Variants in CFAP44 observed in about 807,000 individuals in gnomAD.
CFAP44 encodes the protein cilia- and flagella-associated protein 44.
Under a neutral mutation model 216.2 loss-of-function variants are expected in CFAP44, and 134 were observed. That is an observed-to-expected ratio of 0.62 (90% CI 0.54 to 0.72). The LOEUF is 0.72. Ranked by LOEUF, CFAP44 falls within the 30% of genes least tolerant of loss-of-function variation. CFAP44 has a pLI of 0.00. For synonymous variants in CFAP44, 700 were observed against 727.6 expected (o/e 0.96, Z 0.61); for missense variants, 2,035 against 2,182.1 (o/e 0.93, Z 1.34).
chr3:113,330,538 T>G lies in CFAP44; in HGVS notation c.3746A>C (p.Lys1249Thr), dbSNP rs1182450306. ...AGGAATTTTGGGAATGGGTATGTGC[T>G]TGGATATGTGAAGAGTCGACTGAAT... ...KNIQSTLHIS[K>T]HIPIPKIPQI... Residue 1249 changes from lysine to threonine, a missense_variant, in exon 26 of 35, where the codon AAG becomes ACG. Transcript: ENST00000393845. 6.5e-7 allele frequency: 1 copy of G among 1,537,276 alleles called. No individual in the cohort carries two copies. Among genetic ancestry groups the G allele is most frequent in the Admixed American group, 2.0e-5 (1 of 50,996 alleles).
intron 15 of CFAP44, among the ~76,000 whole-genome samples, chr3:113,389,860 T>TA (rs923063718): frequency 4.6e-5 from 7 of 152,054 alleles, no homozygotes; most frequent in East Asian, 3.9e-4. Flanking sequence ...AAAGCCATAA[T>TA]AAAAAAATTA....
At chr3:113,426,368 A>C in intron 3 of CFAP44, 91 bp from the exon 4 acceptor site, 17 of 1,370,140 alleles carry the variant, frequency 1.2e-5, no homozygotes, top group Non-Finnish European at 1.6e-5. Flanking sequence ...CATAATCTCC[A>C]CATGTCATGG....
At chr3:113,294,620 T>C (rs985848783) in intron 34 of CFAP44, 67 bp downstream of exon 34, 7 of 1,456,948 alleles carry the variant, frequency 4.8e-6, no homozygotes, top group Non-Finnish European at 5.4e-6. Flanking sequence ...CTTAACATTC[T>C]TGTGAATAGC....
At chr3:113,393,702 G>C (rs1032148630) in intron 15 of CFAP44, among the ~76,000 whole-genome samples, 1 of 152,160 alleles carries the variant, frequency 6.6e-6, no homozygotes, top group Non-Finnish European at 1.5e-5. Flanking sequence ...TTTTTGTAGA[G>C]ACAGGGTTTC....
chr3:113,303,925 T>A lies in CFAP44; in HGVS notation c.5068A>T (p.Thr1690Ser). Reference protein sequence around the residue: ...LIREKREMTKTIHKMEETVRQ... With the variant: ...LIREKREMTKSIHKMEETVRQ... ...GGGCTTAGATACTCACTGTGTATGG[T>A]TTTTGTCATTTCTCTCTTTTCTCGG... Residue 1690 changes from threonine to serine, a missense_variant, in exon 32 of 35, where the codon ACC becomes TCC. Transcript: ENST00000393845. 1 of 1,537,662 alleles carries A rather than the reference T, an allele frequency of 6.5e-7. No homozygotes were observed. Among genetic ancestry groups the A allele is most frequent in the Non-Finnish European group, 8.7e-7 (1 of 1,146,986 alleles).
chr3:113,384,409 T>C (rs760168560), intron 15 of CFAP44, among the ~76,000 whole-genome samples: 2 of 152,156 alleles, frequency 1.3e-5, no homozygotes, highest in East Asian at 1.9e-4. Flanking sequence ...ATGTGCTGAA[T>C]TGTGTCCCTT....
intron 11 of CFAP44, among the ~76,000 whole-genome samples, 170 bp downstream of exon 11, chr3:113,401,070 T>G (rs1206665417): frequency 2.0e-5 from 3 of 152,188 alleles, no homozygotes; most frequent in African/African-American, 7.2e-5. Flanking sequence ...AGATTCTTTT[T>G]TATGTAAAAT....
Position 113,392,736 on chromosome 3 carries a change from C to T in CFAP44, c.1890+3014G>A, listed in dbSNP as rs192313689. 4.1e-3 allele frequency among the ~76,000 whole-genome samples: 629 copies of T among 152,122 alleles called. 6 individuals carry two copies. Among genetic ancestry groups the T allele is most frequent in the African/African-American group, 0.015 (602 of 41,484 alleles). On this transcript the variant is annotated intron_variant, in intron 15 of 34. Coordinates refer to ENST00000393845, the MANE Select transcript of CFAP44 (RefSeq NM_001164496.2). ...ATAATAATAATAAAGACCAGAATAA[C>T]TCTCAAGATTCTGGCTTTAGTGACA...
At chr3:113,317,266 G>A (rs996721454) in intron 28 of CFAP44, among the ~76,000 whole-genome samples, 1 of 152,230 alleles carries the variant, frequency 6.6e-6, no homozygotes. Flanking sequence ...AGATGACATG[G>A]ATCCCGAGTG....
At chr3:113,437,805 T>C in intron 1 of CFAP44, among the ~76,000 whole-genome samples, 1 of 151,706 alleles carries the variant, frequency 6.6e-6, no homozygotes, top group East Asian at 1.9e-4. Flanking sequence ...TGTTTGTTTG[T>C]TTGTTTTGTT....
chr3:113,387,951 C>T (rs1436149425), intron 15 of CFAP44, among the ~76,000 whole-genome samples: 1 of 152,030 alleles, frequency 6.6e-6, no homozygotes, highest in South Asian at 2.1e-4. Flanking sequence ...TGGGAAGAGA[C>T]TTCTCTGCTT....
intron 19 of CFAP44, 84 bp downstream of exon 19, chr3:113,365,955 A>G: frequency 6.9e-7 from 1 of 1,442,454 alleles, no homozygotes; most frequent in African/African-American, 1.4e-5. Flanking sequence ...AATAACTTTT[A>G]ATTTATAACG....
chr3:113,301,422 TG>T (rs1949933831), intron 32 of CFAP44, among the ~76,000 whole-genome samples: 1 of 152,170 alleles, frequency 6.6e-6, no homozygotes, highest in Non-Finnish European at 1.5e-5. Flanking sequence ...GTTACAGTGT[TG>T]GTAATAATAT....
intron 28 of CFAP44, among the ~76,000 whole-genome samples, chr3:113,313,734 A>G (rs1328246507): frequency 1.3e-3 from 200 of 152,090 alleles, no homozygotes; most frequent in African/African-American, 4.7e-3. Flanking sequence ...AGGGGTTTCC[A>G]CTTTTGCATC....
chr3:113,415,734 T>G (rs140474057), intron 6 of CFAP44, among the ~76,000 whole-genome samples: 1 of 152,090 alleles, frequency 6.6e-6, no homozygotes, highest in African/African-American at 2.4e-5. Flanking sequence ...GAGACTGTTA[T>G]GATTTCAACT....
chr3:113,426,237 C>T lies in CFAP44; in HGVS notation c.294G>A (p.Glu98=). 2 of 1,614,106 alleles carry T rather than the reference C, an allele frequency of 1.2e-6. No homozygotes were observed. The highest frequency in any genetic ancestry group is 1.7e-6 in the Non-Finnish European group (2 of 1,179,976). Residue 98 remains glutamate (E), a synonymous_variant, in exon 4 of 35, where the codon GAG becomes GAA. Transcript: ENST00000393845. ...QTPAPAVEEA[E]EEVKKKISES... ...CTGATATTTTCTTCTTAACTTCCTC[C>T]TCTGCTTCTTCCACAGCTGGAGCAG...
intron 15 of CFAP44, among the ~76,000 whole-genome samples, chr3:113,381,757 G>T (rs1933516377): frequency 6.6e-6 from 1 of 152,108 alleles, no homozygotes; most frequent in African/African-American, 2.4e-5. Context: ...ACAATTATTT[G>T]TTGTGTACCT....
chr3:113,410,259 C>T (rs918016501), intron 6 of CFAP44, among the ~76,000 whole-genome samples: 1 of 152,122 alleles, frequency 6.6e-6, no homozygotes, highest in African/African-American at 2.4e-5. Context: ...ATTAACTCAA[C>T]ATTTACATTA....
intron 18 of CFAP44, among the ~76,000 whole-genome samples, chr3:113,366,589 C>T (rs934930409): frequency 1.3e-5 from 2 of 152,118 alleles, no homozygotes; most frequent in African/African-American, 4.8e-5. Context: ...CAAAGGGGGT[C>T]ACTTCCAAGA....
Sources: allele counts gnomAD v4.1 joint callset (sites outside exome capture counted in the v4.1 genomes callset), GRCh38; gene constraint gnomAD v4.1.1; transcripts MANE v1.5; gene names NCBI Gene and HGNC (gene_info 2026-07-23, HGNC 2026-07-21).